TNFRSF11A: variants seen among roughly 807,000 people sequenced by gnomAD.
TNFRSF11A encodes TNF receptor superfamily member 11a, also known as tumor necrosis factor receptor superfamily member 11A.
TNFRSF11A carries 32 observed loss-of-function variants against 55.7 expected under a neutral mutation model. The observed-to-expected ratio is 0.57, with a 90% CI of 0.43 to 0.77. The LOEUF is 0.77. TNFRSF11A is among the 30% of genes least tolerant of loss of function. TNFRSF11A has a pLI of 0.00. For missense variants in TNFRSF11A, 753 were observed against 809.8 expected (o/e 0.93, Z 0.85); for synonymous variants, 311 against 331.0 (o/e 0.94, Z 0.65).
intron 1 of TNFRSF11A, among the ~76,000 whole-genome samples, chr18:62,347,172 G>A (rs2145285386): frequency 6.6e-6 from 1 of 152,274 alleles, no homozygotes; most frequent in Non-Finnish European, 1.5e-5. Context: ...TTGAGGGGAA[G>A]GTTTGTGACT....
At chr18:62,327,869 T>C (rs556718035) in intron 1 of TNFRSF11A, among the ~76,000 whole-genome samples, 12 of 152,368 alleles carry the variant, frequency 7.9e-5, no homozygotes, top group Admixed American at 3.3e-4. Flanking sequence ...AGGGAATTCA[T>C]TTTCAGATAG....
At chr18:62,349,104 C>T (rs1784601879) in intron 2 of TNFRSF11A, among the ~76,000 whole-genome samples, 1 of 151,712 alleles carries the variant, frequency 6.6e-6, no homozygotes, top group Non-Finnish European at 1.5e-5. Flanking sequence ...CTCTTATTCC[C>T]TGAGTGGGTT....
Position 62,333,487 on chromosome 18 carries a change from G to A in TNFRSF11A, c.75+8060G>A, listed in dbSNP as rs141661805. 1.0e-3 allele frequency among the ~76,000 whole-genome samples: 153 copies of A among 152,246 alleles called. 1 individual carries two copies. Among genetic ancestry groups the A allele is most frequent in the African/African-American group, 3.3e-3 (139 of 41,536 alleles). ...AGAAGATTAATATATTACAAGTACC[G>A]GCCATCTGTTGAACCCCTCCTGTGT... On this transcript the variant is annotated intron_variant, in intron 1 of 9. Coordinates refer to ENST00000586569, the MANE Select transcript of TNFRSF11A (RefSeq NM_003839.4).
chr18:62,330,480 CAG>C (rs1164893367), intron 1 of TNFRSF11A, among the ~76,000 whole-genome samples: 6 of 152,236 alleles, frequency 3.9e-5, no homozygotes, highest in Middle Eastern at 3.4e-3. Context: ...TTCCTGGACT[CAG>C]GGGTGTGGGG....
chr18:62,387,282 T>C lies in TNFRSF11A; in HGVS notation c.*2248T>C, dbSNP rs1421028912. 1 of 152,166 alleles carries C rather than the reference T, an allele frequency of 6.6e-6. No individual in the cohort carries two copies. Among genetic ancestry groups the C allele is most frequent in the Non-Finnish European group, 1.5e-5 (1 of 68,024 alleles). 9.4% of individuals were successfully genotyped at this position (152,166 alleles called of 1,614,324 possible). A position where few individuals can be genotyped will look rare whatever the true frequency, so the allele number is the denominator to read the frequency against. On this transcript the variant is annotated 3_prime_UTR_variant, in exon 10 of 10. Transcript: ENST00000586569. ...AGGCAACTCAATGCTAAAAAATGTA[T>C]AGAAAATATAAGTCTGTGTCTGTGT...
Position 62,354,401 on chromosome 18 carries a change from G to C in TNFRSF11A, c.294G>C (p.Leu98=), listed in dbSNP as rs1259170356. 3 of 1,582,686 alleles carry C rather than the reference G, an allele frequency of 1.9e-6. No homozygotes were observed. The highest frequency in any genetic ancestry group is 2.6e-6 in the Non-Finnish European group (3 of 1,169,936). Residue 98 remains leucine (L), a synonymous_variant, in exon 4 of 10, where the codon CTG becomes CTC. Transcript: ENST00000586569. ...TCTTGTCTCCCGCAGGCAAGGCCCTGGTGGCCGTGGTCGCCGGCAACAGCA... is the reference window on the plus strand; with the variant it reads ...TCTTGTCTCCCGCAGGCAAGGCCCTCGTGGCCGTGGTCGCCGGCAACAGCA... ...LHKVCDTGKA[L]VAVVAGNSTT...
chr18:62,356,078 ATTTC>A (rs1215872916), intron 4 of TNFRSF11A, among the ~76,000 whole-genome samples: 1 of 152,238 alleles, frequency 6.6e-6, no homozygotes, highest in Non-Finnish European at 1.5e-5. Context: ...TTGAAAAAGT[ATTTC>A]TTAGAGTAAT....
At chr18:62,340,940 C>T (rs1044495035) in intron 1 of TNFRSF11A, among the ~76,000 whole-genome samples, 1 of 152,206 alleles carries the variant, frequency 6.6e-6, no homozygotes, top group African/African-American at 2.4e-5. Context: ...GGCGCCTATG[C>T]GATGTTGTTC....
intron 4 of TNFRSF11A, 58 bp downstream of exon 4, chr18:62,354,592 G>C: frequency 6.3e-7 from 1 of 1,598,002 alleles, no homozygotes; most frequent in South Asian, 1.1e-5. Context: ...AGCCAGCTTT[G>C]AGACAGTCTT....
chr18:62,358,147 C>A, intron 4 of TNFRSF11A, 101 bp from the exon 5 acceptor site: 2 of 1,126,198 alleles, frequency 1.8e-6, no homozygotes, highest in Non-Finnish European at 2.6e-6. Context: ...GGCAGCGCCT[C>A]ACCTCCAGTC....
intron 9 of TNFRSF11A, among the ~76,000 whole-genome samples, chr18:62,382,307 C>T (rs569109546): frequency 4.6e-5 from 7 of 152,014 alleles, no homozygotes; most frequent in Admixed American, 2.0e-4. Flanking sequence ...AACGGGGTTT[C>T]GCCATATTGG....
chr18:62,381,109 A>G (rs1911258245), intron 9 of TNFRSF11A, among the ~76,000 whole-genome samples: 1 of 152,246 alleles, frequency 6.6e-6, no homozygotes, highest in Admixed American at 6.5e-5. Flanking sequence ...TAGTTCCCCA[A>G]CAATAATATT....
At chr18:62,336,493 G>A (rs559293341) in intron 1 of TNFRSF11A, 13 of 152,372 alleles carry the variant, frequency 8.5e-5, no homozygotes, top group African/African-American at 2.9e-4. Flanking sequence ...GCCTCCAGCC[G>A]GGGGTGCACT....
chr18:62,373,605 C>T (rs1353935055), intron 9 of TNFRSF11A, among the ~76,000 whole-genome samples: 1 of 152,024 alleles, frequency 6.6e-6, no homozygotes, highest in African/African-American at 2.4e-5. Flanking sequence ...CCTGTTTGTT[C>T]CCCCAAGTCA....
chr18:62,327,195 C>T (rs1397402268), intron 1 of TNFRSF11A, among the ~76,000 whole-genome samples: 2 of 152,100 alleles, frequency 1.3e-5, no homozygotes, highest in African/African-American at 4.8e-5. Flanking sequence ...CTCCTGTAAT[C>T]GGAGTTAATC....
intron 4 of TNFRSF11A, among the ~76,000 whole-genome samples, chr18:62,357,649 C>A (rs1347958854): frequency 6.6e-6 from 1 of 152,208 alleles, no homozygotes; most frequent in African/African-American, 2.4e-5. Context: ...TTGATACCAA[C>A]CCTTGGTTGC....
intron 9 of TNFRSF11A, chr18:62,378,096 A>T (rs772479241): frequency 2.0e-5 from 3 of 152,228 alleles, no homozygotes; most frequent in Non-Finnish European, 2.9e-5. Context: ...TACAGCTGCC[A>T]ACATGGTGAC....
At chr18:62,344,372 A>C (rs1005718790) in intron 1 of TNFRSF11A, among the ~76,000 whole-genome samples, 2 of 152,242 alleles carry the variant, frequency 1.3e-5, no homozygotes, top group Non-Finnish European at 1.5e-5. Context: ...AAAAGCCTGT[A>C]CATCTCAACT....
Position 62,369,168 on chromosome 18 carries a change from C to T in TNFRSF11A, c.1251C>T (p.Ser417=). 1 of 1,614,126 alleles carries T rather than the reference C, an allele frequency of 6.2e-7. No individual in the cohort carries two copies. Among genetic ancestry groups the T allele is most frequent in the East Asian group, 2.2e-5 (1 of 44,888 alleles). Residue 417 remains serine (S), a synonymous_variant, in exon 9 of 10, where the codon TCC becomes TCT. Coordinates refer to ENST00000586569, the MANE Select transcript of TNFRSF11A (RefSeq NM_003839.4). ...PLCRTDWTPM[S]SENYLQKEVD... ...GCAGGACTGATTGGACTCCCATGTCCTCTGAAAACTACTTGCAAAAAGAGG... is the reference window on the plus strand; with the variant it reads ...GCAGGACTGATTGGACTCCCATGTCTTCTGAAAACTACTTGCAAAAAGAGG...
Sources: allele counts gnomAD v4.1 joint callset (sites outside exome capture counted in the v4.1 genomes callset), GRCh38; gene constraint gnomAD v4.1.1; transcripts MANE v1.5; gene names NCBI Gene and HGNC (gene_info 2026-07-23, HGNC 2026-07-21).